The following ADAM12 variants were observed in gnomAD, a reference collection of about 807,000 sequenced individuals.
ADAM12 encodes the protein disintegrin and metalloproteinase domain-containing protein 12.
In ADAM12, 70 loss-of-function variants were observed where a neutral mutation model predicts 106.4. That is an observed-to-expected ratio of 0.66 (90% CI 0.54 to 0.80). The LOEUF is 0.80. Ranked by LOEUF, ADAM12 falls within the 30% of genes least tolerant of loss-of-function variation. The pLI is 0.00. For missense variants in ADAM12, 1,010 were observed against 1,171.9 expected (o/e 0.86, Z 2.02); for synonymous variants, 420 against 433.5 (o/e 0.97, Z 0.39).
intron 4 of ADAM12, among the ~76,000 whole-genome samples, chr10:126,138,040 C>T (rs1399893826): frequency 6.6e-6 from 1 of 152,286 alleles, no homozygotes; most frequent in East Asian, 1.9e-4. Context: ...CTCTAATTTC[C>T]CCACATATTC....
intron 1 of ADAM12, among the ~76,000 whole-genome samples, chr10:126,368,289 T>A (rs1207800556): frequency 1.3e-5 from 2 of 151,474 alleles, no homozygotes; most frequent in East Asian, 3.9e-4. Context: ...TTCAGAAACA[T>A]AAATTTCATT....
chr10:126,152,018 T>A (rs919800003), intron 4 of ADAM12, among the ~76,000 whole-genome samples: 1 of 151,510 alleles, frequency 6.6e-6, no homozygotes, highest in African/African-American at 2.4e-5. Flanking sequence ...GTTTTTTTTT[T>A]TTTTTTTTGG....
intron 5 of ADAM12, among the ~76,000 whole-genome samples, chr10:126,132,658 C>T (rs559306845): frequency 6.6e-6 from 1 of 152,166 alleles, no homozygotes; most frequent in South Asian, 2.1e-4. Context: ...CCCTGGCACC[C>T]ATCACAGGGG....
intron 1 of ADAM12, among the ~76,000 whole-genome samples, chr10:126,348,738 TGA>T (rs1855243376): frequency 6.6e-6 from 1 of 152,226 alleles, no homozygotes; most frequent in Non-Finnish European, 1.5e-5. Context: ...TCACTGTTTA[TGA>T]GAGCGAACCA....
chr10:126,317,156 G>A (rs1209659505), intron 2 of ADAM12, among the ~76,000 whole-genome samples: 1 of 152,188 alleles, frequency 6.6e-6, no homozygotes, highest in Non-Finnish European at 1.5e-5. Context: ...TGATGTTTCT[G>A]CAATTGAGCG....
intron 21 of ADAM12, among the ~76,000 whole-genome samples, chr10:126,025,582 A>G (rs10901517): frequency 0.24 from 36,726 of 151,956 alleles, 4,814 homozygotes; most frequent in East Asian, 0.33. Flanking sequence ...CCCAAAAGAG[A>G]CGGGCAGAAC....
rs760809167 is a variant in ADAM12 at position 126,261,227 on chromosome 10, C to A, written c.260+17688G>T. 6.6e-5 allele frequency among the ~76,000 whole-genome samples: 10 copies of A among 151,962 alleles called. No individual in the cohort carries two copies. The East Asian group carries it at 1.9e-3, about 29-fold the overall frequency. ...TCAGATACCAAGGCACGACTGTGCA[C>A]ACACACACACACTGGTATGTTTAAA... On this transcript the variant is annotated intron_variant, in intron 3 of 22. Transcript: ENST00000448723.
Position 126,118,171 on chromosome 10 carries a change from G to A in ADAM12, c.470C>T (p.Ala157Val), listed in dbSNP as rs1467317525. The change falls in exon 6 of 23, where the codon GCA becomes GTA. Residue 157 changes from alanine (A) to valine (V), a missense_variant. By Grantham distance (64) the Ala-to-Val change is moderately conservative. This residue lies in a region of ADAM12 where 391 missense variants were observed against 442.9 expected (regional missense o/e 0.88). Coordinates refer to ENST00000448723, the MANE Select transcript of ADAM12 (RefSeq NM_001288973.2). ...TGGGAAGAGTTTGTATCTGTTGGTT[G>A]CACTTTTCATTGGTTCTAAGACATA... is the stretch of plus-strand genomic sequence containing the variant. The part of the protein sequence containing the change: ...ESYVLEPMKS[A>V]TNRYKLFPAK... 1 of 1,614,116 alleles carries A rather than the reference G, an allele frequency of 6.2e-7. No homozygotes were observed. Among genetic ancestry groups the A allele is most frequent in the South Asian group, 1.1e-5 (1 of 91,078 alleles).
chr10:126,229,393 T>C (rs1958264093), intron 3 of ADAM12, among the ~76,000 whole-genome samples: 1 of 152,206 alleles, frequency 6.6e-6, no homozygotes, highest in South Asian at 2.1e-4. Context: ...AAATTATGTT[T>C]GATGCATTTG....
chr10:126,021,402 A>G (rs1953764800), intron 21 of ADAM12, among the ~76,000 whole-genome samples: 1 of 152,242 alleles, frequency 6.6e-6, no homozygotes, highest in South Asian at 2.1e-4. Context: ...GAATGCAACA[A>G]TATAATCACC....
intron 1 of ADAM12, among the ~76,000 whole-genome samples, chr10:126,376,795 CA>C (rs1303873109): frequency 6.6e-6 from 1 of 152,094 alleles, no homozygotes; most frequent in African/African-American, 2.4e-5. Flanking sequence ...CAGGGCTAGT[CA>C]AGATAACTTT....
At chr10:126,375,876 A>G (rs2133927419) in intron 1 of ADAM12, among the ~76,000 whole-genome samples, 1 of 151,334 alleles carries the variant, frequency 6.6e-6, no homozygotes, top group South Asian at 2.1e-4. Context: ...CTCCCTGCGT[A>G]GCTGGGACTA....
intron 17 of ADAM12, among the ~76,000 whole-genome samples, chr10:126,044,453 C>A (rs1044143653): frequency 4.6e-5 from 7 of 152,148 alleles, no homozygotes; most frequent in African/African-American, 1.7e-4. Context: ...TGTTGAGTGT[C>A]TAAGGTTCCC....
At chr10:126,175,617 G>A (rs1957206501) in intron 3 of ADAM12, among the ~76,000 whole-genome samples, 1 of 152,208 alleles carries the variant, frequency 6.6e-6, no homozygotes, top group Non-Finnish European at 1.5e-5. Flanking sequence ...GGTACAAGGA[G>A]TTCTGAAGCA....
At position 126,141,133 on chromosome 10, in the gene ADAM12, T is replaced by A. The variant is rs998940287; in HGVS notation, c.340-5473A>T. Among the ~76,000 whole-genome samples the A allele has an allele frequency of 2.6e-5, 4 of 152,206 alleles. No individual in the cohort carries two copies. The South Asian group carries it at 8.3e-4, about 31-fold the overall frequency. ...CAGAAAGAGACCCAGCAGGGAGCCATCATGCCTAAGAGGGGCTTGCACCCC... is the reference window on the plus strand; with the variant it reads ...CAGAAAGAGACCCAGCAGGGAGCCAACATGCCTAAGAGGGGCTTGCACCCC... On this transcript the variant is annotated intron_variant, in intron 4 of 22. Transcript: ENST00000448723.
chr10:126,038,224 A>T lies in ADAM12; in HGVS notation c.2349+17T>A. The T allele has an allele frequency of 6.3e-7, 1 of 1,594,368 alleles. No homozygotes were observed. Among genetic ancestry groups the T allele is most frequent in the Non-Finnish European group, 8.6e-7 (1 of 1,168,134 alleles). On this transcript the variant is annotated intron_variant, in intron 20 of 22. Coordinates refer to ENST00000448723, the MANE Select transcript of ADAM12 (RefSeq NM_001288973.2). The stretch of plus-strand genomic sequence containing the variant: ...CTGCATGTGTGCCCTGAGCACTCAC[A>T]TCTACTCAAGACTCACCTTCGGTGG...
chr10:126,327,089 G>A (rs1191600177), intron 2 of ADAM12, among the ~76,000 whole-genome samples: 8 of 147,922 alleles, frequency 5.4e-5, no homozygotes, highest in African/African-American at 2.0e-4. Context: ...ACCATAGGAT[G>A]AAGAAGAATG....
intron 18 of ADAM12, chr10:126,041,743 G>A (rs1197182675): frequency 9.6e-7 from 1 of 1,042,276 alleles, no homozygotes; most frequent in African/African-American, 1.7e-5. Flanking sequence ...GTGTCACTGG[G>A]GAAAGGGGAC....
rs771017412 is a variant in ADAM12, at chr10:126,043,236, C to A, written c.1996-88G>T. 2.6e-6 allele frequency: 3 copies of A among 1,168,932 alleles called. No individual in the cohort carries two copies. Among genetic ancestry groups the A allele is most frequent in the Admixed American group, 2.2e-5 (1 of 44,608 alleles). 72.4% of individuals were successfully genotyped at this position (1,168,932 alleles called of 1,614,324 possible). On this transcript the variant is annotated intron_variant, in intron 17 of 22. Coordinates refer to ENST00000448723, the MANE Select transcript of ADAM12 (RefSeq NM_001288973.2). The surrounding 1 kb of genome is among the most constrained non-coding windows in gnomAD (Gnocchi z 4.1). ...AAGCAAGGGGGGCCATGGTCAGAGC[C>A]CCCCCCCAACACTGACACAGCCAGA...
Sources: gnomAD v4.1 joint callset for allele counts (sites outside exome capture counted in the v4.1 genomes callset) on GRCh38, gnomAD v4.1.1 for gene constraint, gnomAD v4.1.1 regional missense constraint, Gnocchi (gnomAD v3.1) non-coding constraint, MANE v1.5 for transcripts, NCBI Gene and HGNC (gene_info 2026-07-23, HGNC 2026-07-21) for gene names.